SYNE1: variants seen among roughly 807,000 people sequenced by gnomAD.
SYNE1 encodes the protein nesprin-1.
SYNE1 carries 616 observed loss-of-function variants against 1,111.0 expected under a neutral mutation model. The ratio of observed to expected loss-of-function variants is 0.55; its 90% CI spans 0.52 to 0.59. The LOEUF (loss-of-function observed/expected upper bound fraction) is 0.59. Ranked by LOEUF, SYNE1 falls within the 20% of genes least tolerant of loss-of-function variation. SYNE1 has a pLI of 0.00. For missense variants in SYNE1, 10,006 were observed against 10,417.0 expected (o/e 0.96, Z 1.72); for synonymous variants, 3,855 against 3,825.8 (o/e 1.01, Z -0.28).
At chr6:152,476,606 G>A (rs1285321577) in intron 14 of SYNE1, among the ~76,000 whole-genome samples, 1 of 152,266 alleles carries the variant, frequency 6.6e-6, no homozygotes, top group East Asian at 1.9e-4. Context: ...GGGTGCTGCA[G>A]CTTATGCGTG....
In SYNE1 at chr6:152,381,231, G is replaced by A. The variant is rs759200516; in HGVS notation, c.8784C>T (p.Ala2928=). The A allele has an allele frequency of 1.6e-5, 26 of 1,614,054 alleles. No homozygotes were observed. Among genetic ancestry groups the A allele is most frequent in the East Asian group, 2.2e-5 (1 of 44,902 alleles). Residue 2928 remains alanine, a synonymous_variant, in exon 56 of 146, where the codon GCC becomes GCT. Transcript: ENST00000367255. ...LMHTEMQALR[A]DWKQWEDSVF... ...CACTGTCTTCCCACTGCTTCCAGTCGGCACGCAGGGCCTGCATCTCCGTGT... is the reference window on the plus strand; with the variant it reads ...CACTGTCTTCCCACTGCTTCCAGTCAGCACGCAGGGCCTGCATCTCCGTGT...
At chr6:152,380,926 GA>G (rs2097402184) in intron 56 of SYNE1, 79 bp downstream of exon 56, 1 of 1,411,970 alleles carries the variant, frequency 7.1e-7, no homozygotes, top group South Asian at 1.2e-5. Context: ...TAGTTAGCAA[GA>G]TTTTTTTTTT....
At chr6:152,565,366 A>G (rs1361307866) in intron 3 of SYNE1, among the ~76,000 whole-genome samples, 1 of 152,216 alleles carries the variant, frequency 6.6e-6, no homozygotes, top group Non-Finnish European at 1.5e-5. Context: ...CCCACAACCT[A>G]GTATTCATTC....
chr6:152,162,070 C>A (rs765131096), intron 131 of SYNE1, among the ~76,000 whole-genome samples: 1 of 152,166 alleles, frequency 6.6e-6, no homozygotes, highest in African/African-American at 2.4e-5. Flanking sequence ...TGATCTTCTA[C>A]CTGAGTAAAG....
intron 55 of SYNE1, among the ~76,000 whole-genome samples, chr6:152,385,026 A>G (rs536554380): frequency 1.3e-5 from 2 of 152,206 alleles, no homozygotes; most frequent in African/African-American, 4.8e-5. Context: ...TATTCCTAAC[A>G]TTTCCTCCTC....
intron 33 of SYNE1, chr6:152,435,622 T>A (rs2098466989): frequency 2.7e-6 from 1 of 370,782 alleles, no homozygotes; most frequent in East Asian, 4.4e-5. Flanking sequence ...AGTAAAAAAA[T>A]TATTTTAAAT....
intron 43 of SYNE1, 144 bp downstream of exon 43, chr6:152,409,415 T>A: frequency 8.1e-7 from 1 of 1,227,252 alleles, no homozygotes; most frequent in Middle Eastern, 2.7e-4. Context: ...ATGTCAGCAT[T>A]CCTAGGGGAA....
At chr6:152,172,712 C>T (rs1177145770) in intron 130 of SYNE1, among the ~76,000 whole-genome samples, 6 of 152,124 alleles carry the variant, frequency 3.9e-5, no homozygotes, top group Admixed American at 6.5e-5. Context: ...GGCAGTTTTA[C>T]AGAAATTAGA....
Position 152,376,862 on chromosome 6 carries a change from C to T in SYNE1, c.9060G>A (p.Lys3020=), listed in dbSNP as rs200026036. 3.7e-6 allele frequency: 6 copies of T among 1,613,978 alleles called. No individual in the cohort carries two copies. Among genetic ancestry groups the T allele is most frequent in the Non-Finnish European group, 4.2e-6 (5 of 1,180,016 alleles). ...QKAEPRTEDL[K]SQLNELCRFS... ...ATCGACAAAGTTCATTCAGCTGAGA[C>T]TTGAGATCCTCTGTTCTAGGCTCTG... The change falls in exon 57 of 146, where the codon AAG becomes AAA. Residue 3020 remains lysine (K), a synonymous_variant. Transcript: ENST00000367255.
At chr6:152,282,345 T>C (rs1277152396) in intron 96 of SYNE1, among the ~76,000 whole-genome samples, 2 of 152,274 alleles carry the variant, frequency 1.3e-5, no homozygotes. Flanking sequence ...CGGACCTCTA[T>C]TTCTGGGAAG....
intron 3 of SYNE1, among the ~76,000 whole-genome samples, chr6:152,541,935 C>A (rs145740749): frequency 1.3e-5 from 2 of 151,788 alleles, no homozygotes; most frequent in Non-Finnish European, 2.9e-5. Context: ...ACATGTAACC[C>A]CTGCACCTAA....
intron 22 of SYNE1, among the ~76,000 whole-genome samples, chr6:152,457,731 ATCTG>A (rs1386015564): frequency 6.6e-6 from 1 of 152,064 alleles, no homozygotes; most frequent in Non-Finnish European, 1.5e-5. Context: ...ATATCAAATT[ATCTG>A]TCTATCTATC....
chr6:152,416,233 T>G (rs1317352773), intron 41 of SYNE1, among the ~76,000 whole-genome samples, 154 bp downstream of exon 41: 2 of 152,238 alleles, frequency 1.3e-5, no homozygotes, highest in Non-Finnish European at 2.9e-5. Context: ...CTTGCATGAC[T>G]CAACTCAGCT....
At chr6:152,598,770 A>C (rs1438879255) in intron 3 of SYNE1, among the ~76,000 whole-genome samples, 1 of 152,218 alleles carries the variant, frequency 6.6e-6, no homozygotes, top group Non-Finnish European at 1.5e-5. Flanking sequence ...AGAAGCAGGT[A>C]ACATATAAAT....
Position 152,376,557 on chromosome 6 carries a change from G to A in SYNE1, c.9148C>T (p.Leu3050Phe). 6.2e-7 allele frequency: 1 copy of A among 1,613,808 alleles called. No homozygotes were observed. The highest frequency in any genetic ancestry group is 8.5e-7 in the Non-Finnish European group (1 of 1,180,010). ...CAGCCCTTGGATGCTTGCAAACAAA[G>A]ACTGAAAAGGTGACGCAAAAATTTA... ...VSGLIKEYNC[L>F]CLQASKGCQN... Residue 3050 changes from leucine to phenylalanine, a missense_variant and splice_region_variant, in exon 58 of 146, where the codon CTT becomes TTT. Leu to Phe is a conservative substitution (Grantham distance 22). Coordinates refer to ENST00000367255, the MANE Select transcript of SYNE1 (RefSeq NM_182961.4).
At chr6:152,241,397 A>G (rs900552889) in intron 107 of SYNE1, among the ~76,000 whole-genome samples, 16 of 152,216 alleles carry the variant, frequency 1.1e-4, no homozygotes, top group Admixed American at 5.2e-4. Context: ...CTATAACCCA[A>G]TGGGATTTTT....
chr6:152,326,644 G>T lies in SYNE1; in HGVS notation c.14956-11C>A, dbSNP rs1386392704. The T allele has an allele frequency of 1.2e-6, 2 of 1,610,788 alleles. No homozygotes were observed. Among genetic ancestry groups the T allele is most frequent in the Admixed American group, 3.3e-5 (2 of 59,918 alleles). On this transcript the variant is annotated splice_polypyrimidine_tract_variant and intron_variant, in intron 78 of 145. Coordinates refer to ENST00000367255, the MANE Select transcript of SYNE1 (RefSeq NM_182961.4). ...TTCAGTCAAGGTAGCCTGAAAAACA[G>T]CAATTGCAAACATAATCAACTCTCC...
intron 36 of SYNE1, 49 bp downstream of exon 36, chr6:152,430,063 A>T (rs1401425219): frequency 7.6e-7 from 1 of 1,323,484 alleles, no homozygotes; most frequent in Non-Finnish European, 1.1e-6. Flanking sequence ...AGTGGGAATT[A>T]TCAAATTTTA....
chr6:152,209,128 T>C (rs1325608407), intron 124 of SYNE1, among the ~76,000 whole-genome samples: 1 of 152,238 alleles, frequency 6.6e-6, no homozygotes, highest in East Asian at 1.9e-4. Context: ...TGTTGCACTT[T>C]AATACTAAAC....
Sources: allele counts gnomAD v4.1 joint callset (sites outside exome capture counted in the v4.1 genomes callset), GRCh38; gene constraint gnomAD v4.1.1; transcripts MANE v1.5; gene names NCBI Gene and HGNC (gene_info 2026-07-23, HGNC 2026-07-21).